PCGF3: variants seen among roughly 807,000 people sequenced by gnomAD.
PCGF3 encodes polycomb group ring finger 3.
Under a neutral mutation model 33.1 loss-of-function variants are expected in PCGF3, and 7 were observed. That is an observed-to-expected ratio of 0.21 (90% confidence interval 0.12 to 0.40). PCGF3 has a LOEUF of 0.40. Ranked by LOEUF, PCGF3 falls within the 10% of genes least tolerant of loss-of-function variation. PCGF3 has a pLI of 1.00. For missense variants in PCGF3, 211 were observed against 313.3 expected, an observed-to-expected ratio of 0.67 and a Z score of 2.46; for synonymous variants, 153 against 121.3, an observed-to-expected ratio of 1.26 and a Z score of -1.72.
chr4:734,777 T>A, intron 4 of PCGF3, 154 bp from the exon 5 acceptor site: 1 of 1,407,298 alleles, frequency 7.1e-7, no homozygotes, highest in East Asian at 2.7e-5. Context: ...AACGGCAAGA[T>A]GTTTCCTTTC....
intron 8 of PCGF3, among the ~76,000 whole-genome samples, chr4:754,470 C>T (rs1047237627): frequency 1.3e-5 from 2 of 152,286 alleles, no homozygotes; most frequent in South Asian, 2.1e-4. Context: ...GAGAGCCCAC[C>T]CATCCAGGCC....
rs1441993043 is a variant in PCGF3, at chr4:741,259, A to G, written c.263-2215A>G. On this transcript the variant is annotated intron_variant, in intron 6 of 10. Transcript: ENST00000362003. ...TCTCATCACAGCAGAATTTCTTCTCAGAAGTGAAAATGAAGATATGGCTGT... is the reference window on the plus strand; with the variant it reads ...TCTCATCACAGCAGAATTTCTTCTCGGAAGTGAAAATGAAGATATGGCTGT... Among the ~76,000 whole-genome samples the G allele has an allele frequency of 3.3e-5, 5 of 152,228 alleles. No homozygotes were observed. The Middle Eastern group carries it at 9.5e-3, about 289-fold the overall frequency.
intron 4 of PCGF3, chr4:734,213 C>G: frequency 1.3e-6 from 2 of 1,524,140 alleles, no homozygotes; most frequent in Non-Finnish European, 1.8e-6. Flanking sequence ...AGGACTCACA[C>G]CTGGGGCTGG....
rs933650563 is a variant in PCGF3 at position 751,882 on chromosome 4, C to T, written c.462+7194C>T. Among the ~76,000 whole-genome samples the T allele has an allele frequency of 8.7e-4, 132 of 152,284 alleles. 1 individual carries two copies. Among genetic ancestry groups the T allele is most frequent in the Admixed American group, 4.2e-3 (64 of 15,308 alleles). On this transcript the variant is annotated intron_variant, in intron 8 of 10. Coordinates refer to ENST00000362003, the Ensembl canonical transcript of PCGF3. ...GACCTCTTCTCCATCATCTGACGGGCGCAGGCCCCCTCGCTGCCACCCCCA... is the reference window on the plus strand; with the variant it reads ...GACCTCTTCTCCATCATCTGACGGGTGCAGGCCCCCTCGCTGCCACCCCCA...
chr4:765,643 G>A (rs974891751), intron 10 of PCGF3, among the ~76,000 whole-genome samples: 1 of 152,176 alleles, frequency 6.6e-6, no homozygotes, highest in African/African-American at 2.4e-5. Flanking sequence ...GGAAACCAAT[G>A]GTGGAACTCT....
exon 4 of PCGF3, chr4:733,698 C>T (rs192220496): frequency 1.2e-6 from 2 of 1,607,408 alleles, no homozygotes; most frequent in Admixed American, 1.7e-5. Flanking sequence ...CCAGGAAGAT[C>T]AAGCTGTGGG....
intron 8 of PCGF3, among the ~76,000 whole-genome samples, chr4:750,498 T>G (rs1293288565): frequency 6.6e-6 from 1 of 152,226 alleles, no homozygotes; most frequent in Non-Finnish European, 1.5e-5. Context: ...CTGCTCTGCC[T>G]TTAGCCAGGG....
chr4:767,591 T>TA (rs1241800445), exon 11 of PCGF3: 1 of 151,304 alleles, frequency 6.6e-6, no homozygotes, highest in African/African-American at 2.4e-5. Context: ...TTCCTTTAGA[T>TA]AAAAAGCAGC....
chr4:766,923 A>G (rs1264121011), exon 11 of PCGF3: 1 of 152,220 alleles, frequency 6.6e-6, no homozygotes, highest in Non-Finnish European at 1.5e-5. Context: ...TTGGTTTCCT[A>G]TGTTTTCTTT....
At chr4:757,116 C>T (rs1744801608) in intron 8 of PCGF3, 1 of 152,242 alleles carries the variant, frequency 6.6e-6, no homozygotes, top group African/African-American at 2.4e-5. Context: ...TGTATGTATG[C>T]AAATCTGAGC....
At chr4:744,456 T>C in intron 7 of PCGF3, 144 bp from the exon 8 acceptor site, 1 of 654,696 alleles carries the variant, frequency 1.5e-6, no homozygotes, top group Non-Finnish European at 2.7e-6. Context: ...TGCGGACGGC[T>C]TTCCTTTGAC....
chr4:761,188 T>G (rs1745035887), intron 8 of PCGF3, 91 bp from the exon 9 acceptor site: 2 of 1,101,786 alleles, frequency 1.8e-6, no homozygotes, highest in Non-Finnish European at 1.3e-6. Flanking sequence ...CAGTCCTAGA[T>G]TGAGGAATTA....
At chr4:718,741 G>T (rs189099086) in intron 1 of PCGF3, among the ~76,000 whole-genome samples, 1 of 152,314 alleles carries the variant, frequency 6.6e-6, no homozygotes, top group African/African-American at 2.4e-5. Context: ...GATGTCACAG[G>T]TGTGGGCAGG....
At position 743,398 on chromosome 4, in the gene PCGF3, A is replaced by G. The variant is rs185255070; in HGVS notation, c.263-76A>G. ...ATAATGCAAATCCCTAATTTTCTTT[A>G]TGTGATGTTTATGAACAGAAGTTTA... On this transcript the variant is annotated intron_variant, in intron 6 of 10. Transcript: ENST00000362003. 24 of 816,126 alleles carry G rather than the reference A, an allele frequency of 2.9e-5. No individual in the cohort carries two copies. The African/African-American group carries it at 3.6e-4, about 12-fold the overall frequency. The allele number at this position is 816,126 out of a possible 1,614,324, so 50.6% of individuals were successfully genotyped here. A position where few individuals can be genotyped will look rare whatever the true frequency, so the allele number is the denominator to read the frequency against.
At chr4:734,476 A>T in intron 4 of PCGF3, 1 of 1,247,894 alleles carries the variant, frequency 8.0e-7, no homozygotes. Context: ...CCAATTTGAT[A>T]GAATTTTGAC....
intron 10 of PCGF3, 82 bp downstream of exon 10, chr4:765,146 G>A: frequency 1.0e-6 from 1 of 986,412 alleles, no homozygotes; most frequent in Admixed American, 1.9e-5. Flanking sequence ...AATGTTAAAT[G>A]ACTCCAGCTG....
intron 1 of PCGF3, among the ~76,000 whole-genome samples, chr4:717,389 GCTTA>G (rs912784833): frequency 1.3e-5 from 2 of 152,158 alleles, no homozygotes; most frequent in African/African-American, 2.4e-5. Context: ...GTGAGTGTGT[GCTTA>G]CTTTTTTTTT....
intron 3 of PCGF3, 110 bp from the exon 4 acceptor site, chr4:733,562 C>G: frequency 8.8e-7 from 1 of 1,130,140 alleles, no homozygotes; most frequent in Non-Finnish European, 1.2e-6. Context: ...TCCTGCCACC[C>G]AGGCCTCAGG....
At chr4:731,650 TCCCCCGCCC>T (rs1560203745) in intron 3 of PCGF3, among the ~76,000 whole-genome samples, 2 of 42,566 alleles carry the variant, frequency 4.7e-5, no homozygotes, top group Non-Finnish European at 5.1e-5. Flanking sequence ...AGGGCGGGGC[TCCCCCGCCC>T]CTCGTGGGTG....
Sources: allele counts gnomAD v4.1 joint callset (sites outside exome capture counted in the v4.1 genomes callset), GRCh38; gene constraint gnomAD v4.1.1; transcripts MANE v1.5; gene names NCBI Gene and HGNC (gene_info 2026-07-23, HGNC 2026-07-21).